Variants in MIPEP observed in about 807,000 individuals in gnomAD.
MIPEP encodes the protein mitochondrial intermediate peptidase.
MIPEP carries 79 observed loss-of-function variants against 90.3 expected under a neutral mutation model. The observed-to-expected ratio is 0.87, with a 90% confidence interval of 0.73 to 1.05. The LOEUF is 1.05. Ranked by LOEUF, MIPEP falls within the 50% of genes least tolerant of loss-of-function variation. The pLI is 0.00. For missense variants in MIPEP, 940 were observed against 905.6 expected (o/e 1.04, Z -0.49); for synonymous variants, 334 against 315.8 (o/e 1.06, Z -0.61).
chr13:23,799,225 G>A (rs1953004932), intron 16 of MIPEP, among the ~76,000 whole-genome samples: 1 of 151,700 alleles, frequency 6.6e-6, no homozygotes, highest in South Asian at 2.1e-4. Context: ...GCCCAGGCTG[G>A]TTTCGAACTC....
intron 4 of MIPEP, 43 bp downstream of exon 4, chr13:23,879,225 C>G (rs1293743310): frequency 8.2e-7 from 1 of 1,218,590 alleles, no homozygotes; most frequent in Non-Finnish European, 1.2e-6. Flanking sequence ...AACCTCACCT[C>G]TAGAGTCACA....
intron 14 of MIPEP, among the ~76,000 whole-genome samples, chr13:23,828,284 T>C (rs1868562065): frequency 6.6e-6 from 1 of 152,238 alleles, no homozygotes; most frequent in Non-Finnish European, 1.5e-5. Flanking sequence ...AAGGCAGGAA[T>C]GCCCATACCA....
At chr13:23,881,057 T>C (rs1566028107) in intron 3 of MIPEP, among the ~76,000 whole-genome samples, 1 of 152,210 alleles carries the variant, frequency 6.6e-6, no homozygotes, top group African/African-American at 2.4e-5. Context: ...GGAGCTCTTA[T>C]AAGTGGCTTA....
Position 23,852,638 on chromosome 13 carries a change from T to C in MIPEP, c.1106+6222A>G, listed in dbSNP as rs150018184. Reference sequence around the variant, plus strand: ...TGAAAGCCTAACACACACAATTAGGTACAGTACACAACACTTAATAAATGA... The same window carrying C: ...TGAAAGCCTAACACACACAATTAGGCACAGTACACAACACTTAATAAATGA... On this transcript the variant is annotated intron_variant, in intron 10 of 18. Transcript: ENST00000382172. Among the ~76,000 whole-genome samples the C allele has an allele frequency of 2.6e-3, 393 of 152,344 alleles. 5 individuals carry two copies. Among genetic ancestry groups the C allele is most frequent in the African/African-American group, 8.7e-3 (363 of 41,584 alleles).
intron 1 of MIPEP, 32 bp from the exon 2 acceptor site, chr13:23,886,538 C>G (rs778162824): frequency 1.3e-6 from 2 of 1,488,118 alleles, no homozygotes; most frequent in Non-Finnish European, 1.8e-6. Context: ...TGATTTATAA[C>G]CAAAATTCAA....
intron 18 of MIPEP, among the ~76,000 whole-genome samples, chr13:23,752,392 T>A (rs1259697110): frequency 6.6e-6 from 1 of 152,228 alleles, no homozygotes; most frequent in South Asian, 2.1e-4. Flanking sequence ...GGGGGCAAAG[T>A]ATTACTTCCT....
rs966744273 is a variant in MIPEP at position 23,756,356 on chromosome 13, T to C, written c.2044+189A>G. 33 of 543,172 alleles carry C rather than the reference T, an allele frequency of 6.1e-5. No individual in the cohort carries two copies. The Admixed American group carries it at 7.5e-4, about 12-fold the overall frequency. The allele number at this position is 543,172 out of a possible 1,614,324, so 33.6% of individuals were successfully genotyped here. A position where few individuals can be genotyped will look rare whatever the true frequency, so the allele number is the denominator to read the frequency against. ...TTTTAGTAGAGACAGGGTTTCACCA[T>C]GTTGGCCAGGCTGGTCTCGAACTCC... On this transcript the variant is annotated intron_variant, in intron 18 of 18. Coordinates refer to ENST00000382172, the MANE Select transcript of MIPEP (RefSeq NM_005932.4).
intron 18 of MIPEP, among the ~76,000 whole-genome samples, chr13:23,745,397 T>A (rs1952371379): frequency 6.6e-6 from 1 of 152,212 alleles, no homozygotes; most frequent in Non-Finnish European, 1.5e-5. Flanking sequence ...ACAGTCCAGT[T>A]AAACCAAGAG....
At chr13:23,750,640 G>T (rs1455559900) in intron 18 of MIPEP, among the ~76,000 whole-genome samples, 2 of 152,086 alleles carry the variant, frequency 1.3e-5, no homozygotes, top group African/African-American at 4.8e-5. Flanking sequence ...AGAGTGCTCT[G>T]GACGGAACTC....
At chr13:23,749,362 T>C (rs1004204786) in intron 18 of MIPEP, among the ~76,000 whole-genome samples, 1 of 151,846 alleles carries the variant, frequency 6.6e-6, no homozygotes, top group African/African-American at 2.4e-5. Context: ...TCAGGTTATT[T>C]TAAAAAAAAG....
At chr13:23,878,013 T>C (rs1274303336) in intron 4 of MIPEP, among the ~76,000 whole-genome samples, 1 of 152,204 alleles carries the variant, frequency 6.6e-6, no homozygotes, top group East Asian at 1.9e-4. Flanking sequence ...ATGTATCCTA[T>C]CACTACAAGT....
At chr13:23,831,991 C>T (rs1005127896) in intron 14 of MIPEP, among the ~76,000 whole-genome samples, 2 of 152,134 alleles carry the variant, frequency 1.3e-5, no homozygotes, top group African/African-American at 4.8e-5. Flanking sequence ...GGAGAGAGCA[C>T]ACTATGCCAC....
chr13:23,827,410 T>C (rs1020980238), intron 14 of MIPEP, among the ~76,000 whole-genome samples: 4 of 152,110 alleles, frequency 2.6e-5, no homozygotes, highest in African/African-American at 9.7e-5. Flanking sequence ...GGCTTATGAC[T>C]AGTAAGGATT....
In MIPEP at chr13:23,869,339, G is replaced by A; in HGVS notation, c.896C>T (p.Ser299Phe). 3 of 1,612,478 alleles carry A rather than the reference G, an allele frequency of 1.9e-6. No homozygotes were observed. Among genetic ancestry groups the A allele is most frequent in the Non-Finnish European group, 2.5e-6 (3 of 1,179,492 alleles). ...TTGGAGAGCCCTGTGAGAAAACGTG[G>A]AATACCCCACCAACTTTGCCAGAAG... ...RDLLAKLVGYSTFSHRALQGT... is the reference protein window; with the variant it reads ...RDLLAKLVGYFTFSHRALQGT... The change falls in exon 7 of 19, where the codon TCC (serine) becomes TTC (phenylalanine). Residue 299 changes from serine to phenylalanine, a missense_variant. Ser to Phe is a radical substitution (Grantham distance 155). Transcript: ENST00000382172.
At chr13:23,884,810 G>A (rs908531553) in intron 2 of MIPEP, among the ~76,000 whole-genome samples, 6 of 152,286 alleles carry the variant, frequency 3.9e-5, no homozygotes, top group South Asian at 2.1e-4. Context: ...CACACAGTAC[G>A]TGCTCAACAT....
chr13:23,745,348 C>G (rs982505987), intron 18 of MIPEP, among the ~76,000 whole-genome samples: 2 of 152,024 alleles, frequency 1.3e-5, no homozygotes, highest in Admixed American at 6.6e-5. Flanking sequence ...AAGACATAAA[C>G]AAACACCAGA....
chr13:23,759,338 A>G (rs1329559947), intron 17 of MIPEP, among the ~76,000 whole-genome samples: 1 of 151,534 alleles, frequency 6.6e-6, no homozygotes, highest in Non-Finnish European at 1.5e-5. Context: ...CACCCAGCAC[A>G]GGACCCCCAC....
intron 14 of MIPEP, among the ~76,000 whole-genome samples, chr13:23,818,382 C>T (rs890207579): frequency 2.0e-5 from 3 of 152,064 alleles, no homozygotes; most frequent in Admixed American, 1.3e-4. Flanking sequence ...GACAAGATCG[C>T]ACCACTGCAC....
At chr13:23,757,183 C>T (rs1593136077) in intron 17 of MIPEP, among the ~76,000 whole-genome samples, 1 of 152,148 alleles carries the variant, frequency 6.6e-6, no homozygotes, top group African/African-American at 2.4e-5. Flanking sequence ...GATCATCAGG[C>T]CTCAGAGTCT....
Sources: gnomAD v4.1 joint callset for allele counts (sites outside exome capture counted in the v4.1 genomes callset) on GRCh38, gnomAD v4.1.1 for gene constraint, MANE v1.5 for transcripts, NCBI Gene and HGNC (gene_info 2026-07-23, HGNC 2026-07-21) for gene names.